Variants in MAST4 observed in about 807,000 individuals in gnomAD.
MAST4 encodes microtubule-associated serine/threonine-protein kinase 4.
MAST4 carries 89 observed loss-of-function variants against 162.7 expected under a neutral mutation model. The observed-to-expected ratio is 0.55, with a 90% confidence interval of 0.46 to 0.65. MAST4 has a LOEUF of 0.65. Among genes scored for constraint, MAST4 ranks in the 30% least tolerant of loss-of-function variants. MAST4 has a pLI of 0.00. For synonymous variants in MAST4, 1,479 were observed against 1,361.1 expected (o/e 1.09, Z -1.91); for missense variants, 3,153 against 3,374.0 (o/e 0.93, Z 1.62).
At chr5:67,124,845 C>T (rs1284345951) in intron 14 of MAST4, among the ~76,000 whole-genome samples, 3 of 152,086 alleles carry the variant, frequency 2.0e-5, no homozygotes, top group Non-Finnish European at 2.9e-5. Flanking sequence ...TATATAGTGC[C>T]ACAGAGAGAC....
chr5:67,078,099 T>G (rs1035779815), intron 5 of MAST4, among the ~76,000 whole-genome samples: 20 of 151,972 alleles, frequency 1.3e-4, no homozygotes, highest in African/African-American at 4.8e-4. Flanking sequence ...AACTCTTCTC[T>G]CAAAAATAAA....
At chr5:66,635,262 G>A (rs1328754146) in intron 1 of MAST4, among the ~76,000 whole-genome samples, 1 of 151,314 alleles carries the variant, frequency 6.6e-6, no homozygotes, top group Non-Finnish European at 1.5e-5. Context: ...AGTTTCTATC[G>A]GCAGTTAAAT....
chr5:66,871,404 A>G (rs184487462), intron 3 of MAST4, among the ~76,000 whole-genome samples: 117 of 152,292 alleles, frequency 7.7e-4, no homozygotes, highest in African/African-American at 2.8e-3. Context: ...CCAAGCTGGG[A>G]TGGGTTGGCT....
intron 16 of MAST4, 44 bp from the exon 17 acceptor site, chr5:67,133,470 G>A (rs755833777): frequency 2.5e-6 from 4 of 1,602,054 alleles, no homozygotes; most frequent in Non-Finnish European, 3.4e-6. Context: ...TAGATAACCA[G>A]CTTATAAAGT....
At chr5:66,720,241 T>C (rs1751110097) in intron 1 of MAST4, among the ~76,000 whole-genome samples, 2 of 152,270 alleles carry the variant, frequency 1.3e-5, no homozygotes, top group South Asian at 4.1e-4. Flanking sequence ...TTTTTTGAAG[T>C]TTTGATACCA....
chr5:66,881,326 G>A (rs1000204066), intron 3 of MAST4, among the ~76,000 whole-genome samples: 1 of 152,136 alleles, frequency 6.6e-6, no homozygotes, highest in Non-Finnish European at 1.5e-5. Context: ...AAGAATACGT[G>A]TAAAGATCAT....
chr5:66,930,850 C>A, intron 4 of MAST4: 1 of 465,664 alleles, frequency 2.1e-6, no homozygotes, highest in Non-Finnish European at 4.4e-6. Flanking sequence ...GAAGGAGAAG[C>A]AGAGATGGAT....
intron 4 of MAST4, chr5:66,916,885 T>G (rs1764151545): frequency 1.5e-6 from 1 of 669,700 alleles, no homozygotes; most frequent in African/African-American, 1.8e-5. Context: ...TCTTGTTGTT[T>G]TCAGTACTCC....
At chr5:66,698,058 T>C (rs917537568) in intron 1 of MAST4, among the ~76,000 whole-genome samples, 1 of 151,860 alleles carries the variant, frequency 6.6e-6, no homozygotes, top group Non-Finnish European at 1.5e-5. Context: ...TCAGTGGCTC[T>C]ACCTGTTTCG....
In MAST4 at chr5:67,025,896, G is replaced by T. The variant is rs527713912; in HGVS notation, c.675-28508G>T. Among the ~76,000 whole-genome samples the T allele has an allele frequency of 8.5e-5, 13 of 152,298 alleles. No homozygotes were observed. In the South Asian group the frequency reaches 2.7e-3, roughly 32 times the overall value. ...TTCGTGTAGTACTTTAAAGGAGTCT[G>T]TATCTGTCAGCATCTCACCATTCCT... On this transcript the variant is annotated intron_variant, in intron 4 of 28. Transcript: ENST00000403625.
chr5:66,692,374 T>C (rs1342734954), intron 1 of MAST4, among the ~76,000 whole-genome samples: 1 of 151,776 alleles, frequency 6.6e-6, no homozygotes, highest in Non-Finnish European at 1.5e-5. Context: ...TTGTTCAAAT[T>C]CACCTCTCTT....
chr5:66,966,751 A>C lies in MAST4; in HGVS notation c.674+66769A>C, dbSNP rs145243553. ...GAAAAGGAGGAAATAAGTTTGGTTA[A>C]ATAGTTAGCAATCTTTGTTGTAGAA... On this transcript the variant is annotated intron_variant, in intron 4 of 28. Transcript: ENST00000403625. Among the ~76,000 whole-genome samples, 33 of 152,330 alleles carry C rather than the reference A, an allele frequency of 2.2e-4. No individual in the cohort carries two copies. The East Asian group carries it at 5.6e-3, about 26-fold the overall frequency.
chr5:66,799,827 C>T (rs1317995158), intron 3 of MAST4, among the ~76,000 whole-genome samples: 1 of 152,126 alleles, frequency 6.6e-6, no homozygotes, highest in Non-Finnish European at 1.5e-5. Context: ...GAGTCTTGAC[C>T]TTACCACTTA....
chr5:66,660,208 G>C (rs1012996719), intron 1 of MAST4, among the ~76,000 whole-genome samples: 1 of 152,196 alleles, frequency 6.6e-6, no homozygotes, highest in Non-Finnish European at 1.5e-5. Context: ...GACCAACATG[G>C]AGAAACCCCG....
chr5:66,883,420 CTGTT>C (rs551743456), intron 3 of MAST4, among the ~76,000 whole-genome samples: 33,559 of 124,756 alleles, frequency 0.27, 4,193 homozygotes, highest in East Asian at 0.46. Context: ...TGTTCTGTCA[CTGTT>C]TTTTTTTTTT....
chr5:67,058,639 A>G (rs1228485551), intron 5 of MAST4, among the ~76,000 whole-genome samples: 1 of 152,240 alleles, frequency 6.6e-6, no homozygotes, highest in Non-Finnish European at 1.5e-5. Context: ...AGGATACACA[A>G]GATACATTGT....
chr5:66,758,773 C>T (rs192363186), intron 1 of MAST4, among the ~76,000 whole-genome samples: 8 of 152,246 alleles, frequency 5.3e-5, no homozygotes, highest in South Asian at 4.2e-4. Flanking sequence ...TTAAAATGCC[C>T]GGCTTTGAAT....
chr5:66,788,666 A>G lies in MAST4; in HGVS notation c.518-4A>G, dbSNP rs1360161141. 6 of 1,608,788 alleles carry G rather than the reference A, an allele frequency of 3.7e-6. No homozygotes were observed. The highest frequency in any genetic ancestry group is 4.2e-6 in the Non-Finnish European group (5 of 1,179,078). ...TTACATTTTCTTCTCTTTAACTCCA[A>G]CAGGGAGGTACCTTCTTCCAAACCC... On this transcript the variant is annotated splice_polypyrimidine_tract_variant and splice_region_variant and intron_variant, in intron 2 of 28. Coordinates refer to ENST00000403625, the MANE Select transcript of MAST4 (RefSeq NM_001164664.2).
intron 5 of MAST4, among the ~76,000 whole-genome samples, chr5:67,082,401 G>C (rs1762773622): frequency 6.6e-6 from 1 of 152,090 alleles, no homozygotes; most frequent in Admixed American, 6.5e-5. Flanking sequence ...CCAAAGTGCT[G>C]GGATTGCAGG....
Sources: gnomAD v4.1 joint callset for allele counts (sites outside exome capture counted in the v4.1 genomes callset) on GRCh38, gnomAD v4.1.1 for gene constraint, MANE v1.5 for transcripts, NCBI Gene and HGNC (gene_info 2026-07-23, HGNC 2026-07-21) for gene names.